The following FAF1 variants were observed in gnomAD, a reference collection of about 807,000 sequenced individuals.
FAF1 encodes the protein Fas associated factor 1.
In FAF1, 25 loss-of-function variants were observed where a neutral mutation model predicts 92.5. That is an observed-to-expected ratio of 0.27 (90% CI 0.20 to 0.38). FAF1 has a LOEUF of 0.38. Among genes scored for constraint, FAF1 ranks in the 10% least tolerant of loss-of-function variants. The probability of loss-of-function intolerance (pLI) is 1.00; values close to 1 mark genes in which losing one functional copy is unlikely to be tolerated. For missense variants in FAF1, 636 were observed against 793.3 expected (o/e 0.80, Z 2.38); for synonymous variants, 234 against 273.2 (o/e 0.86, Z 1.42).
At chr1:50,566,953 G>T in intron 13 of FAF1, 124 bp downstream of exon 13, 1 of 649,336 alleles carries the variant, frequency 1.5e-6, no homozygotes, top group Non-Finnish European at 2.4e-6. Flanking sequence ...AGCAGCTTTT[G>T]TCTAATGAAA....
intron 6 of FAF1, among the ~76,000 whole-genome samples, chr1:50,731,330 T>A (rs1472681747): frequency 1.3e-5 from 2 of 151,892 alleles, no homozygotes; most frequent in Non-Finnish European, 2.9e-5. Flanking sequence ...CCAATTTAGC[T>A]GGGGGCTCTC....
intron 1 of FAF1, among the ~76,000 whole-genome samples, chr1:50,948,539 T>C (rs1447405756): frequency 8.0e-5 from 12 of 150,682 alleles, no homozygotes; most frequent in Admixed American, 7.9e-4. Context: ...TTTTTCTTTT[T>C]TTTTTTTTTT....
intron 8 of FAF1, among the ~76,000 whole-genome samples, chr1:50,646,220 C>T (rs1382429763): frequency 1.3e-5 from 2 of 152,178 alleles, no homozygotes; most frequent in Non-Finnish European, 2.9e-5. Context: ...TTCTCCTCCA[C>T]CTCCATTTCC....
chr1:50,843,536 T>C (rs1225343210), intron 2 of FAF1, among the ~76,000 whole-genome samples: 3 of 152,070 alleles, frequency 2.0e-5, no homozygotes, highest in Admixed American at 6.6e-5. Context: ...CATCCCCCGC[T>C]CCCTACCACC....
intron 7 of FAF1, among the ~76,000 whole-genome samples, chr1:50,684,976 T>C (rs2124376777): frequency 6.6e-6 from 1 of 152,298 alleles, no homozygotes; most frequent in Admixed American, 6.5e-5. Flanking sequence ...TATCACTGTG[T>C]GGTATTTCAA....
At chr1:50,567,590 C>A (rs1650229552) in intron 12 of FAF1, among the ~76,000 whole-genome samples, 1 of 152,016 alleles carries the variant, frequency 6.6e-6, no homozygotes, top group Admixed American at 6.6e-5. Flanking sequence ...GAAATATTAA[C>A]TTTGAACTGT....
intron 1 of FAF1, among the ~76,000 whole-genome samples, chr1:50,957,508 C>T (rs542273705): frequency 6.6e-6 from 1 of 152,000 alleles, no homozygotes; most frequent in South Asian, 2.1e-4. Context: ...CCCGCCACCT[C>T]GACCGGCTAA....
chr1:50,765,577 A>C (rs1010338822), intron 4 of FAF1, among the ~76,000 whole-genome samples: 5 of 152,202 alleles, frequency 3.3e-5, no homozygotes, highest in African/African-American at 1.2e-4. Context: ...AACCATTTCT[A>C]ATCAGAATGT....
chr1:50,529,190 C>T (rs919439610), intron 15 of FAF1, among the ~76,000 whole-genome samples: 1 of 152,134 alleles, frequency 6.6e-6, no homozygotes, highest in African/African-American at 2.4e-5. Flanking sequence ...ATTTATTATA[C>T]TATATTCATC....
At chr1:50,803,225 A>T (rs114199486) in intron 2 of FAF1, among the ~76,000 whole-genome samples, 1,890 of 152,274 alleles carry the variant, frequency 0.012, 15 homozygotes, top group Non-Finnish European at 0.02. Context: ...GTAACAGTAA[A>T]TGGTTAAGAG....
At chr1:50,624,781 T>G (rs1430492560) in intron 8 of FAF1, among the ~76,000 whole-genome samples, 1 of 152,166 alleles carries the variant, frequency 6.6e-6, no homozygotes, top group African/African-American at 2.4e-5. Flanking sequence ...GACCCCAAAG[T>G]AGAATCCAAC....
chr1:50,705,730 G>A (rs1162577906), intron 7 of FAF1, 56 bp downstream of exon 7: 1 of 958,956 alleles, frequency 1.0e-6, no homozygotes, highest in Non-Finnish European at 1.7e-6. Context: ...CTTTAACAGG[G>A]TCAACATTAG....
chr1:50,549,306 T>C (rs1289226816), intron 13 of FAF1, among the ~76,000 whole-genome samples: 2 of 152,120 alleles, frequency 1.3e-5, no homozygotes, highest in Non-Finnish European at 2.9e-5. Flanking sequence ...ACTTTGTTTT[T>C]TGTTTTGGAT....
At chr1:50,939,327 T>C (rs777333288) in intron 1 of FAF1, among the ~76,000 whole-genome samples, 5 of 152,226 alleles carry the variant, frequency 3.3e-5, no homozygotes, top group Non-Finnish European at 7.3e-5. Context: ...TTTGTGGCTA[T>C]TGTAAATGGG....
At chr1:50,488,212 G>A (rs966622610) in intron 17 of FAF1, among the ~76,000 whole-genome samples, 2 of 152,132 alleles carry the variant, frequency 1.3e-5, no homozygotes, top group Admixed American at 6.5e-5. Flanking sequence ...AATATGGCCT[G>A]TCCTCTCCCC....
intron 1 of FAF1, among the ~76,000 whole-genome samples, chr1:50,923,428 C>CA (rs1480032774): frequency 6.6e-6 from 1 of 151,722 alleles, no homozygotes; most frequent in Non-Finnish European, 1.5e-5. Context: ...AACAAAAAAA[C>CA]AAAAAACAAA....
intron 2 of FAF1, among the ~76,000 whole-genome samples, chr1:50,815,585 G>C (rs1312417950): frequency 6.6e-6 from 1 of 152,204 alleles, no homozygotes; most frequent in Non-Finnish European, 1.5e-5. Flanking sequence ...TTGCTGGGTA[G>C]AACGGCAGTT....
At chr1:50,795,462 C>G (rs1661714868) in intron 3 of FAF1, among the ~76,000 whole-genome samples, 1 of 152,178 alleles carries the variant, frequency 6.6e-6, no homozygotes, top group Non-Finnish European at 1.5e-5. Context: ...TCGTGTATGC[C>G]ATTACCTAGG....
chr1:50,477,969 T>G (rs1646658148), intron 17 of FAF1, among the ~76,000 whole-genome samples: 1 of 152,242 alleles, frequency 6.6e-6, no homozygotes, highest in Non-Finnish European at 1.5e-5. Flanking sequence ...CTACTTCTAG[T>G]AACTAAGAAT....
Sources: gnomAD v4.1 joint callset for allele counts (sites outside exome capture counted in the v4.1 genomes callset) on GRCh38, gnomAD v4.1.1 for gene constraint, MANE v1.5 for transcripts, NCBI Gene and HGNC (gene_info 2026-07-23, HGNC 2026-07-21) for gene names.